ADIPOR2: variants seen among roughly 807,000 people sequenced by gnomAD.
ADIPOR2 encodes adiponectin receptor protein 2.
ADIPOR2 carries 18 observed loss-of-function variants against 40.9 expected under a neutral mutation model. The ratio of observed to expected loss-of-function variants is 0.44; its 90% CI spans 0.30 to 0.65. The LOEUF is 0.65. Ranked by LOEUF, ADIPOR2 falls within the 30% of genes least tolerant of loss-of-function variation. The pLI, the probability that ADIPOR2 is intolerant of heterozygous loss-of-function variation, is 0.09. For missense variants in ADIPOR2, 283 were observed against 479.2 expected (o/e 0.59, Z 3.82); for synonymous variants, 165 against 166.4 (o/e 0.99, Z 0.06).
intron 1 of ADIPOR2, among the ~76,000 whole-genome samples, chr12:1,725,854 CT>C (rs1167450858): frequency 1.3e-5 from 2 of 151,860 alleles, no homozygotes; most frequent in African/African-American, 2.4e-5. Flanking sequence ...ATTTTAATTT[CT>C]TTTTTTTCCC....
At chr12:1,736,539 T>A (rs1236914849) in intron 1 of ADIPOR2, among the ~76,000 whole-genome samples, 1 of 152,252 alleles carries the variant, frequency 6.6e-6, no homozygotes, top group Admixed American at 6.5e-5. Context: ...TCTATCAATT[T>A]TGTTGATCTT....
intron 1 of ADIPOR2, among the ~76,000 whole-genome samples, chr12:1,708,186 G>T (rs971411727): frequency 1.0e-4 from 15 of 145,072 alleles, no homozygotes; most frequent in South Asian, 6.6e-4. Context: ...GCAAATATGG[G>T]TTTTTTTTTT....
chr12:1,777,281 G>C (rs11836547), intron 3 of ADIPOR2, among the ~76,000 whole-genome samples: 10,657 of 151,700 alleles, frequency 0.07, 991 homozygotes, highest in African/African-American at 0.21. Flanking sequence ...CATTAGCCAG[G>C]TTGAAACAAA....
intron 1 of ADIPOR2, among the ~76,000 whole-genome samples, chr12:1,721,421 G>A (rs2094697770): frequency 6.6e-6 from 1 of 151,946 alleles, no homozygotes; most frequent in African/African-American, 2.4e-5. Flanking sequence ...TCACCATGTT[G>A]GCCAGGCTGG....
intron 2 of ADIPOR2, among the ~76,000 whole-genome samples, chr12:1,755,568 T>C (rs915163469): frequency 3.9e-5 from 6 of 152,128 alleles, no homozygotes; most frequent in Non-Finnish European, 8.8e-5. Flanking sequence ...ACCTTGGGAG[T>C]CAGTAGAGTT....
At chr12:1,695,011 G>GTTTTTTTTTTTTTTTTTTTTTTTTTTTT (rs199627849) in intron 1 of ADIPOR2, among the ~76,000 whole-genome samples, 1 of 128,312 alleles carries the variant, frequency 7.8e-6, no homozygotes, top group Non-Finnish European at 1.6e-5. Context: ...TTGTGTTGCA[G>GTTTTTTTTTTTTTTTTTTTTTTTTTTTT]TTTTTTTTTT....
intron 2 of ADIPOR2, among the ~76,000 whole-genome samples, chr12:1,771,500 G>A (rs1862493977): frequency 6.6e-6 from 1 of 152,160 alleles, no homozygotes; most frequent in Admixed American, 6.5e-5. Context: ...ATGAAGGTTA[G>A]TCATTGAAGG....
chr12:1,716,531 T>A (rs1436941346), intron 1 of ADIPOR2, among the ~76,000 whole-genome samples: 1 of 152,202 alleles, frequency 6.6e-6, no homozygotes, highest in African/African-American at 2.4e-5. Context: ...GAATAAAAAA[T>A]AATGCATTTA....
rs1862857200 is a variant in ADIPOR2 at position 1,787,291 on chromosome 12, A to C, written c.*1219A>C. 1 of 152,254 alleles carries C rather than the reference A, an allele frequency of 6.6e-6. No individual in the cohort carries two copies. Among genetic ancestry groups the C allele is most frequent in the Non-Finnish European group, 1.5e-5 (1 of 68,048 alleles). The allele number at this position is 152,254 out of a possible 1,614,324, so 9.4% of individuals were successfully genotyped here. On this transcript the variant is annotated 3_prime_UTR_variant, in exon 8 of 8. Transcript: ENST00000357103. ...GTAGACCCTTCCTTTGGATTAGGAAAGATGAGTTTTACCTCTGGTACACTG... is the reference window on the plus strand; with the variant it reads ...GTAGACCCTTCCTTTGGATTAGGAACGATGAGTTTTACCTCTGGTACACTG...
chr12:1,755,309 C>T (rs536488605), intron 2 of ADIPOR2, among the ~76,000 whole-genome samples: 37 of 152,150 alleles, frequency 2.4e-4, no homozygotes, highest in African/African-American at 8.9e-4. Context: ...CCATCTCAAC[C>T]TCCTTATCCA....
chr12:1,717,533 C>G (rs959512085), intron 1 of ADIPOR2, among the ~76,000 whole-genome samples: 1 of 152,128 alleles, frequency 6.6e-6, no homozygotes, highest in African/African-American at 2.4e-5. Flanking sequence ...TGGAGAAACC[C>G]TGTCTCTGCT....
intron 2 of ADIPOR2, among the ~76,000 whole-genome samples, chr12:1,755,356 G>C (rs1219829912): frequency 6.6e-6 from 1 of 152,146 alleles, no homozygotes; most frequent in Non-Finnish European, 1.5e-5. Flanking sequence ...GATTATAGAC[G>C]TGAACGACTG....
intron 1 of ADIPOR2, among the ~76,000 whole-genome samples, chr12:1,725,214 T>G (rs1592590251): frequency 6.6e-6 from 1 of 151,978 alleles, no homozygotes; most frequent in Non-Finnish European, 1.5e-5. Context: ...CTCCGCCTCC[T>G]GGGTTCAAGT....
In ADIPOR2 at chr12:1,781,001, G is replaced by A. The variant is rs150222545; in HGVS notation, c.763G>A (p.Val255Met). The A allele has an allele frequency of 1.9e-6, 3 of 1,613,530 alleles. No homozygotes were observed. The highest frequency in any genetic ancestry group is 2.5e-6 in the Non-Finnish European group (3 of 1,179,886). Residue 255 changes from valine to methionine, a missense_variant, in exon 6 of 8, where the codon GTG becomes ATG. Val to Met is a conservative substitution (Grantham distance 21). Coordinates refer to ENST00000357103, the MANE Select transcript of ADIPOR2 (RefSeq NM_024551.3). Reference sequence around the variant, plus strand: ...CTTCATCTACTTGATTGTCATCTGTGTGCTGGGCATTGCAGCCATTATAGT... The same window carrying A: ...CTTCATCTACTTGATTGTCATCTGTATGCTGGGCATTGCAGCCATTATAGT... ...PCFIYLIVIC[V>M]LGIAAIIVSQ...
chr12:1,771,380 G>A (rs1259926486), intron 2 of ADIPOR2, among the ~76,000 whole-genome samples: 2 of 151,206 alleles, frequency 1.3e-5, no homozygotes, highest in South Asian at 2.1e-4. Flanking sequence ...AAAGAAAAAC[G>A]CTGTCTCAAA....
chr12:1,732,630 A>T (rs952437386), intron 1 of ADIPOR2, among the ~76,000 whole-genome samples: 9 of 152,164 alleles, frequency 5.9e-5, no homozygotes, highest in Non-Finnish European at 1.2e-4. Flanking sequence ...CTTGTATGCA[A>T]GTTTTTGTGT....
chr12:1,734,073 GT>G (rs2094725698), intron 1 of ADIPOR2, among the ~76,000 whole-genome samples: 1 of 152,068 alleles, frequency 6.6e-6, no homozygotes, highest in African/African-American at 2.4e-5. Flanking sequence ...ATAAACATAC[GT>G]TTGCGTGTGT....
chr12:1,718,849 G>A (rs542319254), intron 1 of ADIPOR2, among the ~76,000 whole-genome samples: 1 of 152,264 alleles, frequency 6.6e-6, no homozygotes, highest in South Asian at 2.1e-4. Flanking sequence ...GATAAGCTAG[G>A]ACGGGTTCCT....
chr12:1,778,565 G>A (rs1037301628), intron 4 of ADIPOR2: 1 of 152,126 alleles, frequency 6.6e-6, no homozygotes, highest in Non-Finnish European at 1.5e-5. Flanking sequence ...ACCCAAAATG[G>A]ATCAAAGACC....
Sources: gnomAD v4.1 joint callset for allele counts (sites outside exome capture counted in the v4.1 genomes callset) on GRCh38, gnomAD v4.1.1 for gene constraint, MANE v1.5 for transcripts, NCBI Gene and HGNC (gene_info 2026-07-23, HGNC 2026-07-21) for gene names.